DSG2: variants seen among roughly 807,000 people sequenced by gnomAD.
DSG2 encodes the protein desmoglein-2.
Under a neutral mutation model 75.6 loss-of-function variants are expected in DSG2, and 45 were observed. The observed-to-expected ratio is 0.60, with a 90% CI of 0.47 to 0.76. The LOEUF (loss-of-function observed/expected upper bound fraction) is 0.76. Ranked by LOEUF, DSG2 falls within the 30% of genes least tolerant of loss-of-function variation. The probability of loss-of-function intolerance (pLI) is 0.00; values close to 1 mark genes in which losing one functional copy is unlikely to be tolerated. For synonymous variants in DSG2, 429 were observed against 483.9 expected (o/e 0.89, Z 1.49); for missense variants, 1,267 against 1,357.4 (o/e 0.93, Z 1.05).
Position 31,503,051 on chromosome 18 carries a change from C to T in DSG2, c.45+4755C>T, listed in dbSNP as rs186279551. Among the ~76,000 whole-genome samples, 156 of 152,306 alleles carry T rather than the reference C, an allele frequency of 1.0e-3. 1 individual carries two copies. The highest frequency in any genetic ancestry group is 3.0e-3 in the African/African-American group (123 of 41,560). On this transcript the variant is annotated intron_variant, in intron 1 of 14. Transcript: ENST00000261590. ...AGAAGCTGGAACAACAGAATTCCTA[C>T]CGTGGTCGATAGTGAGATGAGAAAT...
intron 6 of DSG2, among the ~76,000 whole-genome samples, chr18:31,523,787 C>T (rs1434077185): frequency 1.3e-5 from 2 of 152,162 alleles, no homozygotes; most frequent in Non-Finnish European, 2.9e-5. Flanking sequence ...AGTGCATGTC[C>T]AACACAGTCA....
In DSG2 at chr18:31,542,593, A is replaced by C. The variant is rs2073275317; in HGVS notation, c.2075A>C (p.Lys692Thr). The C allele has an allele frequency of 6.2e-7, 1 of 1,614,176 alleles. No individual in the cohort carries two copies. The highest frequency in any genetic ancestry group is 8.5e-7 in the Non-Finnish European group (1 of 1,180,040). ...VGRNGVGGMA[K>T]EATMKGSSSA... ...AGAAATGGAGTAGGAGGTATGGCCA[A>C]GGAAGCCACGATGAAAGGAAGTAGC... Residue 692 changes from lysine (K) to threonine (T), a missense_variant, in exon 14 of 15, where the codon AAG becomes ACG. Transcript: ENST00000261590.
intron 11 of DSG2, among the ~76,000 whole-genome samples, chr18:31,537,018 C>G (rs138089788): frequency 5.3e-5 from 8 of 152,256 alleles, no homozygotes; most frequent in Non-Finnish European, 1.2e-4. Context: ...GACACATGGA[C>G]CATATGATGT....
At chr18:31,512,183 C>T (rs896625064) in intron 1 of DSG2, among the ~76,000 whole-genome samples, 12 of 152,110 alleles carry the variant, frequency 7.9e-5, no homozygotes, top group African/African-American at 2.9e-4. Context: ...CCTCCCTCAA[C>T]ACCACCCCTG....
intron 1 of DSG2, among the ~76,000 whole-genome samples, chr18:31,499,431 C>A (rs1023194309): frequency 3.3e-5 from 5 of 151,916 alleles, no homozygotes; most frequent in Admixed American, 3.3e-4. Context: ...CTAGAGATTT[C>A]CATGAACTCT....
intron 1 of DSG2, among the ~76,000 whole-genome samples, chr18:31,500,175 T>C (rs1447256722): frequency 1.3e-5 from 2 of 152,184 alleles, no homozygotes; most frequent in African/African-American, 2.4e-5. Flanking sequence ...GAATTTACTC[T>C]AGCTATTTAA....
Position 31,545,884 on chromosome 18 carries a change from T to G in DSG2, c.2498T>G (p.Phe833Cys), listed in dbSNP as rs2073302543. The G allele has an allele frequency of 6.2e-7, 1 of 1,613,988 alleles. No individual in the cohort carries two copies. The change falls in exon 15 of 15, where the codon TTC (phenylalanine) becomes TGC (cysteine). Residue 833 changes from phenylalanine (F) to cysteine (C), a missense_variant. Physicochemically the swap from Phe to Cys is radical, Grantham distance 205. Transcript: ENST00000261590. ...TTCTTAGATGATTTGGGACTTAAATTCAAGACACTAGCTGAAGTTTGCCTG... is the reference window on the plus strand; with the variant it reads ...TTCTTAGATGATTTGGGACTTAAATGCAAGACACTAGCTGAAGTTTGCCTG... The part of the protein sequence containing the change: ...DRFLDDLGLK[F>C]KTLAEVCLGQ...
At chr18:31,502,265 C>T (rs958536192) in intron 1 of DSG2, among the ~76,000 whole-genome samples, 7 of 152,174 alleles carry the variant, frequency 4.6e-5, no homozygotes, top group Admixed American at 4.6e-4. Context: ...GGGGCGGGCT[C>T]ACTACAATAT....
At chr18:31,526,076 G>A (rs1465722126) in intron 8 of DSG2, among the ~76,000 whole-genome samples, 1 of 152,154 alleles carries the variant, frequency 6.6e-6, no homozygotes, top group Non-Finnish European at 1.5e-5. Flanking sequence ...CCTGGGAGGC[G>A]GAGGTTGCAG....
intron 11 of DSG2, among the ~76,000 whole-genome samples, chr18:31,538,250 G>A (rs1453393906): frequency 2.0e-5 from 3 of 152,052 alleles, no homozygotes; most frequent in African/African-American, 7.2e-5. Context: ...CATTTTGAAT[G>A]TATATAGTGT....
intron 6 of DSG2, among the ~76,000 whole-genome samples, chr18:31,522,981 AT>A: frequency 6.6e-6 from 1 of 152,346 alleles, no homozygotes; most frequent in Middle Eastern, 3.4e-3. Context: ...GAGATAGAAG[AT>A]TTTTTAAATG....
chr18:31,529,484 T>C (rs955593456), intron 8 of DSG2, among the ~76,000 whole-genome samples: 30 of 152,196 alleles, frequency 2.0e-4, no homozygotes, highest in Non-Finnish European at 1.5e-4. Flanking sequence ...GATATTACAA[T>C]CACAAAGGAT....
At chr18:31,513,727 T>G (rs1170777550) in intron 1 of DSG2, among the ~76,000 whole-genome samples, 1 of 152,206 alleles carries the variant, frequency 6.6e-6, no homozygotes, top group Admixed American at 6.5e-5. Context: ...TTAGACTTAA[T>G]GACTCACTCC....
At chr18:31,505,110 A>G (rs184861129) in intron 1 of DSG2, among the ~76,000 whole-genome samples, 63 of 152,280 alleles carry the variant, frequency 4.1e-4, no homozygotes, top group Non-Finnish European at 7.4e-4. Context: ...TCCACTCCTT[A>G]TAAGATCAGT....
chr18:31,546,464 C>T lies in DSG2; in HGVS notation c.3078C>T (p.Ser1026=). ...AAAGAGAGAGCTTCCTTGCCCCCAG[C>T]TCAGGTGTGCAGCCTACTCTGGCCA... ...VRERESFLAP[S]SGVQPTLAMP... The change falls in exon 15 of 15, where the codon AGC becomes AGT. Residue 1026 remains serine (S), a synonymous_variant. Transcript: ENST00000261590. 1 of 1,614,188 alleles carries T rather than the reference C, an allele frequency of 6.2e-7. No individual in the cohort carries two copies. Among genetic ancestry groups the T allele is most frequent in the African/African-American group, 1.3e-5 (1 of 75,058 alleles).
At chr18:31,535,154 G>A (rs371609466) in intron 9 of DSG2, 116 bp from the exon 10 acceptor site, 13 of 763,818 alleles carry the variant, frequency 1.7e-5, no homozygotes, top group African/African-American at 1.1e-4. Context: ...CAAAACAAAT[G>A]CCTGTAATAA....
At chr18:31,518,376 T>C (rs900099588) in intron 2 of DSG2, 102 bp downstream of exon 2, 4 of 1,014,158 alleles carry the variant, frequency 3.9e-6, no homozygotes, top group African/African-American at 1.6e-5. Context: ...ACATGTTGTA[T>C]TAGACCCAGC....
At chr18:31,531,510 G>A (rs1018149352) in intron 9 of DSG2, among the ~76,000 whole-genome samples, 2 of 152,202 alleles carry the variant, frequency 1.3e-5, no homozygotes, top group African/African-American at 4.8e-5. Flanking sequence ...TCTGGCTAGA[G>A]ATGGCTAAAA....
In DSG2 at chr18:31,520,882, T is replaced by A. The variant is rs1275376903; in HGVS notation, c.296T>A (p.Phe99Tyr). The A allele has an allele frequency of 1.4e-5, 22 of 1,613,784 alleles. No homozygotes were observed. The highest frequency in any genetic ancestry group is 1.7e-5 in the Non-Finnish European group (20 of 1,179,862). ...GGAAAAGGGATTACAGAGCCACCTT[T>A]TGGTATATTTGTCTTTAACAAAGAT... ...YTGKGITEPP[F>Y]GIFVFNKDTG... Residue 99 changes from phenylalanine (F) to tyrosine (Y), a missense_variant, in exon 4 of 15, where the codon TTT (phenylalanine) becomes TAT (tyrosine). Coordinates refer to ENST00000261590, the MANE Select transcript of DSG2 (RefSeq NM_001943.5).
Sources: allele counts gnomAD v4.1 joint callset (sites outside exome capture counted in the v4.1 genomes callset), GRCh38; gene constraint gnomAD v4.1.1; transcripts MANE v1.5; gene names NCBI Gene and HGNC (gene_info 2026-07-23, HGNC 2026-07-21).